Variants in FBXW7 observed in about 807,000 individuals in gnomAD.
FBXW7 encodes the protein F-box and WD repeat domain containing 7, also known as F-box/WD repeat-containing protein 7.
In FBXW7, 11 loss-of-function variants were observed where a neutral mutation model predicts 86.3. The ratio of observed to expected loss-of-function variants is 0.13; its 90% CI spans 0.08 to 0.21. FBXW7 has a LOEUF of 0.21. FBXW7 is among the 10% of genes least tolerant of loss of function. The pLI is 1.00. For missense variants in FBXW7, 488 were observed against 847.4 expected (o/e 0.58, Z 5.27); for synonymous variants, 313 against 297.9 (o/e 1.05, Z -0.52).
intron 4 of FBXW7, among the ~76,000 whole-genome samples, chr4:152,371,630 G>C (rs1463972011): frequency 6.6e-6 from 1 of 151,944 alleles, no homozygotes; most frequent in Non-Finnish European, 1.5e-5. Flanking sequence ...GAAATGAAAA[G>C]TGTATAATTT....
chr4:152,372,446 A>T (rs900969194), intron 4 of FBXW7, among the ~76,000 whole-genome samples: 5 of 152,018 alleles, frequency 3.3e-5, no homozygotes, highest in African/African-American at 1.2e-4. Flanking sequence ...GAGCACTTCC[A>T]GTATATCACA....
intron 2 of FBXW7, among the ~76,000 whole-genome samples, chr4:152,417,865 A>C (rs1738584829): frequency 6.6e-6 from 1 of 152,068 alleles, no homozygotes; most frequent in Non-Finnish European, 1.5e-5. Context: ...GCAAGCTACC[A>C]AGCAGGGCAG....
chr4:152,459,249 A>G (rs1164336795), intron 2 of FBXW7, among the ~76,000 whole-genome samples: 1 of 152,188 alleles, frequency 6.6e-6, no homozygotes, highest in Non-Finnish European at 1.5e-5. Flanking sequence ...GGATGACATC[A>G]TTATCATCAT....
intron 10 of FBXW7, among the ~76,000 whole-genome samples, 154 bp downstream of exon 10, chr4:152,329,518 A>C (rs544456201): frequency 6.6e-6 from 1 of 152,100 alleles, no homozygotes; most frequent in Non-Finnish European, 1.5e-5. Flanking sequence ...GGCTTTCATA[A>C]ATATGGGGAA....
At chr4:152,532,708 C>CATCT (rs1465971379) in intron 2 of FBXW7, among the ~76,000 whole-genome samples, 1 of 152,152 alleles carries the variant, frequency 6.6e-6, no homozygotes. Flanking sequence ...AATATATTCA[C>CATCT]ATCTATAAGT....
chr4:152,519,319 T>TAAAG (rs1196184828), intron 2 of FBXW7, among the ~76,000 whole-genome samples: 141 of 149,880 alleles, frequency 9.4e-4, no homozygotes, highest in African/African-American at 2.7e-3. Context: ...AATAAATAAA[T>TAAAG]AAAGAAAGAA....
At chr4:152,507,933 C>A (rs559605200) in intron 2 of FBXW7, among the ~76,000 whole-genome samples, 2 of 151,536 alleles carry the variant, frequency 1.3e-5, no homozygotes, top group Non-Finnish European at 1.5e-5. Flanking sequence ...TGTGGTGGCA[C>A]ATACCTGGCC....
chr4:152,393,765 C>T (rs755727009), intron 4 of FBXW7, among the ~76,000 whole-genome samples: 16 of 152,092 alleles, frequency 1.1e-4, no homozygotes, highest in Non-Finnish European at 2.1e-4. Flanking sequence ...GGAAACCAAC[C>T]AAGTAATGCA....
chr4:152,478,025 A>G (rs1361536162), intron 2 of FBXW7, among the ~76,000 whole-genome samples: 2 of 152,142 alleles, frequency 1.3e-5, no homozygotes, highest in African/African-American at 4.8e-5. Flanking sequence ...TATTTTTCAC[A>G]AGTAACATCA....
chr4:152,407,748 T>C (rs1394714831), intron 4 of FBXW7, among the ~76,000 whole-genome samples: 1 of 152,194 alleles, frequency 6.6e-6, no homozygotes, highest in Non-Finnish European at 1.5e-5. Flanking sequence ...TTATTTATTC[T>C]GAAACAGGGT....
At chr4:152,441,927 C>T (rs538441437) in intron 2 of FBXW7, among the ~76,000 whole-genome samples, 6 of 152,236 alleles carry the variant, frequency 3.9e-5, no homozygotes, top group South Asian at 2.1e-4. Context: ...AAGGTTAACA[C>T]GATTTTTATT....
intron 8 of FBXW7, 66 bp downstream of exon 8, chr4:152,332,530 C>T (rs2126546679): frequency 1.4e-6 from 2 of 1,386,596 alleles, no homozygotes; most frequent in Non-Finnish European, 1.9e-6. Context: ...ATTTTTTCTA[C>T]TTGTTTTCAG....
chr4:152,332,047 T>G (rs117481036), intron 8 of FBXW7, among the ~76,000 whole-genome samples: 1 of 152,032 alleles, frequency 6.6e-6, no homozygotes, highest in Non-Finnish European at 1.5e-5. Context: ...CTGAGGCACA[T>G]AGTATTTTTA....
chr4:152,326,250 A>G lies in FBXW7; in HGVS notation c.1419-19T>C. On this transcript the variant is annotated intron_variant, in intron 11 of 13. Coordinates refer to ENST00000281708, the MANE Select transcript of FBXW7 (RefSeq NM_001349798.2). ...AACAACTCTGCAGAGGGAGAAACAG[A>G]AAAACAAAACAAAACAAAAAAACCC... 24 of 1,591,886 alleles carry G rather than the reference A, an allele frequency of 1.5e-5. No homozygotes were observed. The highest frequency in any genetic ancestry group is 2.1e-5 in the Non-Finnish European group (24 of 1,165,822).
At chr4:152,466,959 A>C (rs1420527292) in intron 2 of FBXW7, among the ~76,000 whole-genome samples, 1 of 152,144 alleles carries the variant, frequency 6.6e-6, no homozygotes, top group African/African-American at 2.4e-5. Context: ...TAATAATAAT[A>C]ATCTGTACAA....
In FBXW7 at chr4:152,322,445, T is replaced by G. The variant is rs1004971967; in HGVS notation, c.*436A>C. The G allele has an allele frequency of 4.2e-5, 10 of 236,666 alleles. No individual in the cohort carries two copies. Among genetic ancestry groups the G allele is most frequent in the Non-Finnish European group, 7.5e-5 (9 of 120,360 alleles). 14.7% of individuals were successfully genotyped at this position (236,666 alleles called of 1,614,324 possible). On this transcript the variant is annotated 3_prime_UTR_variant, in exon 14 of 14. Transcript: ENST00000281708. Reference sequence around the variant, plus strand: ...TTGCAGATGCTCTCTAATTAGAAAGTCAACCAGTACTTGTTTTGATATTAT... The same window carrying G: ...TTGCAGATGCTCTCTAATTAGAAAGGCAACCAGTACTTGTTTTGATATTAT...
chr4:152,506,524 A>C (rs139995335), intron 2 of FBXW7, among the ~76,000 whole-genome samples: 1 of 152,362 alleles, frequency 6.6e-6, no homozygotes, highest in African/African-American at 2.4e-5. Context: ...CTAAGACTTC[A>C]TGACAGCTAT....
chr4:152,349,014 C>G (rs1012442987), intron 5 of FBXW7, among the ~76,000 whole-genome samples: 3 of 151,896 alleles, frequency 2.0e-5, no homozygotes, highest in Non-Finnish European at 4.4e-5. Flanking sequence ...TAAGACTATT[C>G]CAATTATGAT....
chr4:152,457,930 C>A (rs1369335691), intron 2 of FBXW7, among the ~76,000 whole-genome samples: 1 of 150,256 alleles, frequency 6.7e-6, no homozygotes, highest in Admixed American at 6.6e-5. Flanking sequence ...ATCTTCCCCA[C>A]CCCTACTAAA....
Sources: allele counts gnomAD v4.1 joint callset (sites outside exome capture counted in the v4.1 genomes callset), GRCh38; gene constraint gnomAD v4.1.1; transcripts MANE v1.5; gene names NCBI Gene and HGNC (gene_info 2026-07-23, HGNC 2026-07-21).